ATP13A5: variants seen among roughly 807,000 people sequenced by gnomAD.
ATP13A5 encodes ATPase 13A5.
In ATP13A5, 149 loss-of-function variants were observed where a neutral mutation model predicts 150.2. That is an observed-to-expected ratio of 0.99 (90% CI 0.87 to 1.14). ATP13A5 has a LOEUF of 1.14. Ranked by LOEUF, ATP13A5 falls within the 50% of genes most tolerant of loss-of-function variation. The pLI is 0.00. For synonymous variants in ATP13A5, 497 were observed against 522.2 expected, an observed-to-expected ratio of 0.95 and a Z score of 0.66; for missense variants, 1,383 against 1,449.3, an observed-to-expected ratio of 0.95 and a Z score of 0.74.
rs9849466 is a variant in ATP13A5 at position 193,347,324 on chromosome 3, A to G, written c.742-2249T>C. 9.4e-3 allele frequency among the ~76,000 whole-genome samples: 1,356 copies of G among 144,832 alleles called. 17 individuals are homozygous for G. The highest frequency in any genetic ancestry group is 0.033 in the African/African-American group (1,280 of 38,912). ...AAAATAATTCTATGATGAAAATGTT[A>G]TCTCCAACATACATGTAAAAACCAA... On this transcript the variant is annotated intron_variant, in intron 7 of 29. Coordinates refer to ENST00000342358, the MANE Select transcript of ATP13A5 (RefSeq NM_198505.4).
At chr3:193,311,693 T>G in intron 20 of ATP13A5, 123 bp downstream of exon 20, 3 of 1,361,474 alleles carry the variant, frequency 2.2e-6, no homozygotes, top group African/African-American at 1.5e-5. Flanking sequence ...CAGTACTCCT[T>G]TGGGGGTGTT....
At chr3:193,365,001 T>C (rs552316229) in intron 1 of ATP13A5, among the ~76,000 whole-genome samples, 1 of 152,262 alleles carries the variant, frequency 6.6e-6, no homozygotes, top group Admixed American at 6.5e-5. Flanking sequence ...AAACAATAGA[T>C]TTGCTTATTG....
intron 27 of ATP13A5, among the ~76,000 whole-genome samples, chr3:193,284,007 GATTATTATT>G (rs3048432): frequency 7.0e-6 from 1 of 141,888 alleles, no homozygotes; most frequent in Non-Finnish European, 1.5e-5. Context: ...TTGGCCTGCG[GATTATTATT>G]ATTATTATTA....
chr3:193,286,639 T>A (rs1717734107), intron 26 of ATP13A5, among the ~76,000 whole-genome samples: 1 of 152,216 alleles, frequency 6.6e-6, no homozygotes, highest in Non-Finnish European at 1.5e-5. Context: ...ACTGCTTCAC[T>A]GACTGGCTGT....
intron 25 of ATP13A5, among the ~76,000 whole-genome samples, chr3:193,290,346 AGACT>A (rs1212912363): frequency 6.6e-6 from 1 of 152,118 alleles, no homozygotes; most frequent in African/African-American, 2.4e-5. Context: ...CTCCATAACC[AGACT>A]GACCAGAAAT....
chr3:193,276,966 T>C (rs985641115), intron 28 of ATP13A5, 136 bp from the exon 29 acceptor site: 2 of 663,658 alleles, frequency 3.0e-6, no homozygotes. Flanking sequence ...CCTTTACAGA[T>C]AATACAACTG....
chr3:193,374,639 T>C (rs1191470064), intron 1 of ATP13A5, among the ~76,000 whole-genome samples: 1 of 81,006 alleles, frequency 1.2e-5, no homozygotes, highest in Non-Finnish European at 2.3e-5. Context: ...AGTAAGACCA[T>C]GACACACACA....
At chr3:193,348,279 A>G (rs1190404756) in intron 7 of ATP13A5, among the ~76,000 whole-genome samples, 7 of 152,222 alleles carry the variant, frequency 4.6e-5, no homozygotes, top group Admixed American at 1.3e-4. Context: ...ATGAATTTGC[A>G]TATCGTTATT....
In ATP13A5 at chr3:193,331,111, T is replaced by G; in HGVS notation, c.1461+12A>C. 3.1e-6 allele frequency: 5 copies of G among 1,611,080 alleles called. No homozygotes were observed. The highest frequency in any genetic ancestry group is 4.2e-6 in the Non-Finnish European group (5 of 1,178,122). On this transcript the variant is annotated intron_variant, in intron 12 of 29. Coordinates refer to ENST00000342358, the MANE Select transcript of ATP13A5 (RefSeq NM_198505.4). ...AATCATTAACATTAAACCTGAGAAG[T>G]CTGGATCATACTTTGTCAAAGCACA...
chr3:193,305,503 A>G, intron 23 of ATP13A5, 56 bp downstream of exon 23: 2 of 1,326,946 alleles, frequency 1.5e-6, no homozygotes, highest in Non-Finnish European at 1.1e-6. Context: ...TTCTGTCTGC[A>G]GAGCCAGACA....
chr3:193,326,498 C>T (rs1353910672), intron 13 of ATP13A5, among the ~76,000 whole-genome samples: 2 of 152,200 alleles, frequency 1.3e-5, no homozygotes, highest in African/African-American at 4.8e-5. Flanking sequence ...TCTTTACCCA[C>T]CATGTAATTA....
At chr3:193,321,171 G>A (rs1341948062) in intron 16 of ATP13A5, among the ~76,000 whole-genome samples, 1 of 152,056 alleles carries the variant, frequency 6.6e-6, no homozygotes, top group Non-Finnish European at 1.5e-5. Flanking sequence ...CACTGTGGTT[G>A]TACTTTTCTT....
chr3:193,317,695 G>C (rs1478820897), intron 17 of ATP13A5, among the ~76,000 whole-genome samples: 2 of 152,154 alleles, frequency 1.3e-5, no homozygotes, highest in Non-Finnish European at 2.9e-5. Context: ...TTTGAAAATA[G>C]TAACTAAATT....
intron 12 of ATP13A5, among the ~76,000 whole-genome samples, chr3:193,327,335 G>A (rs1486194924): frequency 3.9e-5 from 6 of 152,162 alleles, no homozygotes; most frequent in Admixed American, 3.3e-4. Flanking sequence ...TTTGTGTATT[G>A]CTATGACCGT....
rs112887636 is a variant in ATP13A5, at chr3:193,279,238, G to A, written c.3315+128C>T. On this transcript the variant is annotated intron_variant, in intron 28 of 29. Transcript: ENST00000342358. ...TCCAGATATCTTATTTGCCCTTCTA[G>A]TATATAGAAATAGCCTCACAGTATT... 1.5e-4 allele frequency: 106 copies of A among 690,324 alleles called. 1 individual carries two copies. The African/African-American group carries it at 1.6e-3, about 10-fold the overall frequency. The allele number at this position is 690,324 out of a possible 1,614,324, so 42.8% of individuals were successfully genotyped here.
intron 7 of ATP13A5, among the ~76,000 whole-genome samples, chr3:193,346,179 G>A (rs73074781): frequency 0.041 from 6,165 of 152,160 alleles, 352 homozygotes; most frequent in African/African-American, 0.13. Context: ...AGAGCCCTCT[G>A]TGTAGTACTC....
At chr3:193,290,462 G>A (rs1405037950) in intron 25 of ATP13A5, among the ~76,000 whole-genome samples, 1 of 151,984 alleles carries the variant, frequency 6.6e-6, no homozygotes, top group Non-Finnish European at 1.5e-5. Flanking sequence ...AGGAGAATAA[G>A]GAGGAATATA....
At chr3:193,286,909 A>C (rs1377658792) in intron 26 of ATP13A5, among the ~76,000 whole-genome samples, 1 of 152,158 alleles carries the variant, frequency 6.6e-6, no homozygotes, top group African/African-American at 2.4e-5. Context: ...TCTTGAAGAA[A>C]ATTAAAAGTG....
intron 10 of ATP13A5, among the ~76,000 whole-genome samples, chr3:193,334,567 A>G (rs1298956911): frequency 1.3e-5 from 2 of 152,096 alleles, no homozygotes; most frequent in African/African-American, 2.4e-5. Context: ...CTAGCAAGCA[A>G]CTCTTTGAAA....
Sources: gnomAD v4.1 joint callset for allele counts (sites outside exome capture counted in the v4.1 genomes callset) on GRCh38, gnomAD v4.1.1 for gene constraint, MANE v1.5 for transcripts, NCBI Gene and HGNC (gene_info 2026-07-23, HGNC 2026-07-21) for gene names.